The following IL1RAPL1 variants were observed in gnomAD, a reference collection of about 807,000 sequenced individuals.
IL1RAPL1 encodes the protein interleukin 1 receptor accessory protein like 1, also known as interleukin-1 receptor accessory protein-like 1.
A neutral mutation model predicts 48.4 loss-of-function variants in IL1RAPL1; 3 were observed. The ratio of observed to expected loss-of-function variants is 0.06; its 90% CI spans 0.03 to 0.16. The LOEUF is 0.16. IL1RAPL1 is among the 10% of genes least tolerant of loss of function. IL1RAPL1 has a pLI of 1.00. For missense variants in IL1RAPL1, 349 were observed against 530.6 expected, an observed-to-expected ratio of 0.66 and a Z score of 3.36; for synonymous variants, 185 against 187.7, an observed-to-expected ratio of 0.99 and a Z score of 0.12.
chrX:28,954,234 A>G (rs1022313258), intron 2 of IL1RAPL1, among the ~76,000 whole-genome samples: 12 of 111,331 alleles, frequency 1.1e-4, no homozygotes, highest in African/African-American at 3.9e-4. Flanking sequence ...TTAGAAATCT[A>G]GATAAGCCAA....
intron 3 of IL1RAPL1, among the ~76,000 whole-genome samples, chrX:29,333,457 T>G: frequency 3.1e-5 from 1 of 32,494 alleles, no homozygotes; most frequent in Admixed American, 3.6e-4. Flanking sequence ...GCAGAGGGGC[T>G]CCTCACTTCC....
chrX:29,341,482 G>T (rs1305313939), intron 3 of IL1RAPL1, among the ~76,000 whole-genome samples: 1 of 112,122 alleles, frequency 8.9e-6, no homozygotes, highest in Non-Finnish European at 1.9e-5. Flanking sequence ...GAACAATTTA[G>T]TGTTGGAATG....
At chrX:29,039,992 A>G (rs1371642607) in intron 2 of IL1RAPL1, among the ~76,000 whole-genome samples, 3 of 111,421 alleles carry the variant, frequency 2.7e-5, no homozygotes, top group East Asian at 5.6e-4. Context: ...TTTAAAATGC[A>G]GATATCTGGG....
intron 6 of IL1RAPL1, among the ~76,000 whole-genome samples, chrX:29,806,657 T>G (rs1930262916): frequency 9.0e-6 from 1 of 111,281 alleles, no homozygotes; most frequent in African/African-American, 3.3e-5. Flanking sequence ...GACTTTATCA[T>G]ATAAAAAGAC....
chrX:28,943,585 A>G (rs1924220592), intron 2 of IL1RAPL1, among the ~76,000 whole-genome samples: 1 of 109,548 alleles, frequency 9.1e-6, no homozygotes, highest in African/African-American at 3.3e-5. Flanking sequence ...GCCCCTAAAT[A>G]GGTTGTCATA....
At position 29,428,928 on chromosome X, in the gene IL1RAPL1, A is replaced by G. The variant is rs745919948; in HGVS notation, c.703+29620A>G. Among the ~76,000 whole-genome samples, 19 of 111,968 alleles carry G rather than the reference A, an allele frequency of 1.7e-4. No individual in the cohort carries two copies. The South Asian group carries it at 7.0e-3, about 41-fold the overall frequency. On this transcript the variant is annotated intron_variant, in intron 5 of 10. Transcript: ENST00000378993. ...AACTTCCCAAAATTGAACTTTCTTT[A>G]GTGTATATTGAGGAATATTCTCTCT...
At chrX:29,545,240 TATTG>T (rs1368090620) in intron 5 of IL1RAPL1, among the ~76,000 whole-genome samples, 1 of 97,103 alleles carries the variant, frequency 1.0e-5, no homozygotes, top group Non-Finnish European at 2.1e-5. Context: ...TCTATCTATC[TATTG>T]GACAACAAAT....
At chrX:29,491,806 G>C (rs1033774386) in intron 5 of IL1RAPL1, among the ~76,000 whole-genome samples, 4 of 110,420 alleles carry the variant, frequency 3.6e-5, no homozygotes, top group Non-Finnish European at 5.7e-5. Flanking sequence ...GCCAAAATGG[G>C]AGCATTCTAG....
chrX:29,332,551 T>C (rs1466133991), intron 3 of IL1RAPL1, among the ~76,000 whole-genome samples: 1 of 104,746 alleles, frequency 9.5e-6, no homozygotes, highest in Non-Finnish European at 1.9e-5. Flanking sequence ...AGAAGATGTT[T>C]ATCCCAAATC....
chrX:28,719,468 G>C (rs1005956929), intron 1 of IL1RAPL1, among the ~76,000 whole-genome samples: 1 of 110,921 alleles, frequency 9.0e-6, no homozygotes, highest in Admixed American at 9.7e-5. Flanking sequence ...GAACTAAAGA[G>C]TATATGTTTG....
intron 5 of IL1RAPL1, among the ~76,000 whole-genome samples, chrX:29,601,213 G>A (rs1923707351): frequency 8.9e-6 from 1 of 112,061 alleles, no homozygotes; most frequent in African/African-American, 3.2e-5. Flanking sequence ...ATAAATTCAT[G>A]TTTGACTAAA....
intron 1 of IL1RAPL1, among the ~76,000 whole-genome samples, chrX:28,733,352 C>G (rs1213951347): frequency 1.8e-5 from 2 of 110,227 alleles, no homozygotes; most frequent in East Asian, 5.7e-4. Flanking sequence ...TTCTTTTCTC[C>G]CCTTTATAGT....
At chrX:29,787,339 T>G (rs1929521512) in intron 6 of IL1RAPL1, among the ~76,000 whole-genome samples, 1 of 111,953 alleles carries the variant, frequency 8.9e-6, no homozygotes, top group African/African-American at 3.2e-5. Flanking sequence ...TATTCTGAAT[T>G]CTGTATAATT....
intron 1 of IL1RAPL1, among the ~76,000 whole-genome samples, chrX:28,751,466 A>G (rs751681617): frequency 1.8e-5 from 2 of 112,001 alleles, no homozygotes; most frequent in South Asian, 3.7e-4. Context: ...TTCTAGTCAT[A>G]TGTCTACAAG....
chrX:29,104,389 T>G (rs1928406525), intron 2 of IL1RAPL1, among the ~76,000 whole-genome samples: 1 of 111,830 alleles, frequency 8.9e-6, no homozygotes, highest in Middle Eastern at 4.7e-3. Flanking sequence ...AAACATTGCA[T>G]GTTCTCACTT....
intron 6 of IL1RAPL1, among the ~76,000 whole-genome samples, chrX:29,691,909 A>C (rs1391663304): frequency 8.9e-6 from 1 of 112,384 alleles, no homozygotes; most frequent in African/African-American, 3.2e-5. Flanking sequence ...ACCCTAAAAT[A>C]AAATACTTGA....
chrX:28,779,155 C>T (rs905439247), intron 1 of IL1RAPL1, among the ~76,000 whole-genome samples: 24 of 111,448 alleles, frequency 2.2e-4, no homozygotes, highest in South Asian at 3.7e-4. Context: ...AGGCAAGCAT[C>T]GGCTAGTGCC....
chrX:29,817,433 A>ATT (rs202016267), intron 6 of IL1RAPL1, among the ~76,000 whole-genome samples: 13 of 106,742 alleles, frequency 1.2e-4, no homozygotes, highest in African/African-American at 4.4e-4. Context: ...CCTGTAGCTT[A>ATT]TTTTTTTTTT....
intron 5 of IL1RAPL1, among the ~76,000 whole-genome samples, chrX:29,658,400 A>T (rs1925748427): frequency 8.9e-6 from 1 of 112,400 alleles, no homozygotes; most frequent in Non-Finnish European, 1.9e-5. Context: ...TAATTCTATG[A>T]CGAAAATAAT....
Sources: allele counts gnomAD v4.1 joint callset (sites outside exome capture counted in the v4.1 genomes callset), GRCh38; gene constraint gnomAD v4.1.1; transcripts MANE v1.5; gene names NCBI Gene and HGNC (gene_info 2026-07-23, HGNC 2026-07-21).